Variants in RAB28 observed in about 807,000 individuals in gnomAD.
The protein encoded by RAB28 is ras-related protein Rab-28.
Under a neutral mutation model 31.7 loss-of-function variants are expected in RAB28, and 24 were observed. The observed-to-expected ratio is 0.76, with a 90% CI of 0.55 to 1.06. RAB28 has a LOEUF of 1.06. Among genes scored for constraint, RAB28 ranks in the 50% least tolerant of loss-of-function variants. RAB28 has a pLI of 0.00. For synonymous variants in RAB28, 100 were observed against 90.4 expected, an observed-to-expected ratio of 1.11 and a Z score of -0.60; for missense variants, 254 against 258.5, an observed-to-expected ratio of 0.98 and a Z score of 0.12.
At chr4:13,373,971 G>A (rs563333931) in intron 6 of RAB28, among the ~76,000 whole-genome samples, 3 of 143,038 alleles carry the variant, frequency 2.1e-5, no homozygotes, top group East Asian at 3.9e-4. Flanking sequence ...GTGTGTGTGT[G>A]TATATATGTG....
At chr4:13,416,688 T>C (rs1316874907) in intron 4 of RAB28, among the ~76,000 whole-genome samples, 1 of 152,200 alleles carries the variant, frequency 6.6e-6, no homozygotes, top group Non-Finnish European at 1.5e-5. Context: ...AATGGTAATA[T>C]TCTATATCTT....
At chr4:13,418,009 A>G (rs939142090) in intron 4 of RAB28, among the ~76,000 whole-genome samples, 21 of 152,206 alleles carry the variant, frequency 1.4e-4, no homozygotes, top group African/African-American at 4.8e-4. Flanking sequence ...TTGAAAAAAG[A>G]TTATAGACGA....
At chr4:13,374,630 C>CA (rs1728849891) in intron 6 of RAB28, among the ~76,000 whole-genome samples, 1 of 152,220 alleles carries the variant, frequency 6.6e-6, no homozygotes, top group Admixed American at 6.5e-5. Flanking sequence ...AGGGTTATCT[C>CA]AGACTTCTAT....
At chr4:13,466,798 T>A (rs1715867151) in intron 3 of RAB28, among the ~76,000 whole-genome samples, 1 of 151,894 alleles carries the variant, frequency 6.6e-6, no homozygotes, top group Admixed American at 6.6e-5. Context: ...CATCAACAGA[T>A]GAATGGATAA....
intron 4 of RAB28, among the ~76,000 whole-genome samples, chr4:13,407,520 G>T (rs1359925723): frequency 6.6e-6 from 1 of 152,178 alleles, no homozygotes; most frequent in Non-Finnish European, 1.5e-5. Context: ...GAACTTTAAA[G>T]TAGTTTTTTT....
chr4:13,479,387 A>ACTT (rs1181665043), intron 2 of RAB28, 43 bp downstream of exon 2: 2 of 1,431,368 alleles, frequency 1.4e-6, no homozygotes, highest in African/African-American at 2.9e-5. Context: ...TATTGTTAAG[A>ACTT]TTTTTTTATA....
intron 3 of RAB28, among the ~76,000 whole-genome samples, chr4:13,471,296 T>G (rs1172285375): frequency 6.6e-6 from 1 of 152,066 alleles, no homozygotes; most frequent in African/African-American, 2.4e-5. Context: ...AAAATGCTAT[T>G]AGGATGTTTT....
intron 4 of RAB28, among the ~76,000 whole-genome samples, chr4:13,446,919 C>G (rs58845198): frequency 0.056 from 8,501 of 152,162 alleles, 539 homozygotes; most frequent in African/African-American, 0.16. Context: ...ATATCTAAAA[C>G]CAAACTTTTA....
At chr4:13,399,108 G>A (rs898040028) in intron 4 of RAB28, among the ~76,000 whole-genome samples, 1 of 152,120 alleles carries the variant, frequency 6.6e-6, no homozygotes, top group East Asian at 1.9e-4. Context: ...CTTTATATAC[G>A]GGCACACATC....
At chr4:13,411,225 C>T (rs953982061) in intron 4 of RAB28, among the ~76,000 whole-genome samples, 1 of 151,826 alleles carries the variant, frequency 6.6e-6, no homozygotes, top group Non-Finnish European at 1.5e-5. Context: ...AAAAAACAGC[C>T]CAAACTATTG....
chr4:13,374,080 T>C (rs1244170547), intron 6 of RAB28, among the ~76,000 whole-genome samples: 4 of 152,090 alleles, frequency 2.6e-5, no homozygotes. Context: ...AATAATTTAA[T>C]TGGCAAAAAC....
intron 4 of RAB28, among the ~76,000 whole-genome samples, chr4:13,443,356 T>A (rs1160156560): frequency 6.6e-6 from 1 of 151,632 alleles, no homozygotes; most frequent in Admixed American, 6.5e-5. Context: ...GTATTTTTAG[T>A]AGAGACAGGA....
rs1051253656 is a variant in RAB28, at chr4:13,443,281, C to T, written c.391+17418G>A. 3.3e-5 allele frequency among the ~76,000 whole-genome samples: 5 copies of T among 151,874 alleles called. No individual in the cohort carries two copies. The East Asian group carries it at 7.8e-4, about 24-fold the overall frequency. ...CTCCACCTCCTGAGTTCAAGCAATTCTCCTGCCTCAGCCTCCTGAGTAGCT... is the reference window on the plus strand; with the variant it reads ...CTCCACCTCCTGAGTTCAAGCAATTTTCCTGCCTCAGCCTCCTGAGTAGCT... On this transcript the variant is annotated intron_variant, in intron 4 of 6. Coordinates refer to ENST00000330852, the MANE Select transcript of RAB28 (RefSeq NM_001017979.3).
chr4:13,404,168 C>G (rs562394282), intron 4 of RAB28, among the ~76,000 whole-genome samples: 18 of 152,292 alleles, frequency 1.2e-4, no homozygotes, highest in African/African-American at 4.3e-4. Context: ...CACCTGAGGT[C>G]AGGAGTTTGA....
At chr4:13,454,923 C>A (rs986131065) in intron 4 of RAB28, among the ~76,000 whole-genome samples, 3 of 152,322 alleles carry the variant, frequency 2.0e-5, no homozygotes, top group African/African-American at 7.2e-5. Context: ...AGGCCTGGGA[C>A]AGGTGCACAC....
intron 2 of RAB28, among the ~76,000 whole-genome samples, chr4:13,476,914 G>T (rs1308077620): frequency 6.6e-6 from 1 of 151,472 alleles, no homozygotes; most frequent in Non-Finnish European, 1.5e-5. Flanking sequence ...CAGGTAAGTT[G>T]CTTTTGGTAT....
intron 3 of RAB28, among the ~76,000 whole-genome samples, chr4:13,471,738 A>C (rs1032352552): frequency 6.6e-6 from 1 of 152,060 alleles, no homozygotes; most frequent in Non-Finnish European, 1.5e-5. Context: ...AGAAAGATCC[A>C]TGAATTTCTC....
chr4:13,367,907 A>G lies in RAB28; in HGVS notation c.*651T>C. 1 of 983,408 alleles carries G rather than the reference A, an allele frequency of 1.0e-6. No individual in the cohort carries two copies. Among genetic ancestry groups the G allele is most frequent in the Non-Finnish European group, 1.2e-6 (1 of 828,072 alleles). 60.9% of individuals were successfully genotyped at this position (983,408 alleles called of 1,614,324 possible). A position where few individuals can be genotyped will look rare whatever the true frequency, so the allele number is the denominator to read the frequency against. On this transcript the variant is annotated 3_prime_UTR_variant, in exon 7 of 7. Coordinates refer to ENST00000330852, the MANE Select transcript of RAB28 (RefSeq NM_001017979.3). The stretch of plus-strand genomic sequence containing the variant: ...TTCAAACCTGAGTATTACACAATAC[A>G]TAACGACAACGATACAGTAATAAAA...
chr4:13,459,797 C>A, intron 4 of RAB28: 2 of 1,216,436 alleles, frequency 1.6e-6, no homozygotes, highest in Non-Finnish European at 2.1e-6. Context: ...TTCTTTCTTC[C>A]CTAAAATAGG....
Sources: allele counts gnomAD v4.1 joint callset (sites outside exome capture counted in the v4.1 genomes callset), GRCh38; gene constraint gnomAD v4.1.1; transcripts MANE v1.5; gene names NCBI Gene and HGNC (gene_info 2026-07-23, HGNC 2026-07-21).